Variants in CEP126 observed in about 807,000 individuals in gnomAD.
CEP126 encodes centrosomal protein 126, also known as centrosomal protein of 126 kDa.
In CEP126, 74 loss-of-function variants were observed where a neutral mutation model predicts 107.8. The observed-to-expected ratio is 0.69, with a 90% confidence interval of 0.57 to 0.83. The LOEUF (loss-of-function observed/expected upper bound fraction) is 0.83, where lower values mean the gene tolerates loss of function less well. CEP126 is among the 40% of genes least tolerant of loss of function. CEP126 has a pLI of 0.00. For missense variants in CEP126, 1,237 were observed against 1,281.9 expected, an observed-to-expected ratio of 0.96 and a Z score of 0.53; for synonymous variants, 449 against 446.0, an observed-to-expected ratio of 1.01 and a Z score of -0.08.
intron 2 of CEP126, among the ~76,000 whole-genome samples, chr11:101,938,406 T>A (rs1041059143): frequency 1.8e-4 from 28 of 151,490 alleles, no homozygotes; most frequent in African/African-American, 5.6e-4. Flanking sequence ...TCTCTATTTT[T>A]TTTTTTTTTG....
intron 2 of CEP126, among the ~76,000 whole-genome samples, chr11:101,938,965 C>A (rs1357796114): frequency 6.6e-6 from 1 of 151,986 alleles, no homozygotes; most frequent in Non-Finnish European, 1.5e-5. Flanking sequence ...TTATGAAATT[C>A]ATTAACATTT....
rs548587470 is a variant in CEP126, at chr11:101,983,421, C to G, written c.3034+1457C>G. Among the ~76,000 whole-genome samples the G allele has an allele frequency of 7.2e-5, 11 of 152,220 alleles. No individual in the cohort carries two copies. In the East Asian group the frequency reaches 1.5e-3, roughly 21 times the overall value. On this transcript the variant is annotated intron_variant, in intron 8 of 10. Transcript: ENST00000263468. The stretch of plus-strand genomic sequence containing the variant: ...CTGCATAGGATTTCAACCATGAAGT[C>G]AAAGAGTGGATCCATCAGCGTCGCA...
intron 3 of CEP126, among the ~76,000 whole-genome samples, chr11:101,947,057 T>C (rs1940746785): frequency 6.6e-6 from 1 of 152,232 alleles, no homozygotes; most frequent in South Asian, 2.1e-4. Context: ...GGGAAATGGA[T>C]TGTCTTTAGA....
At chr11:101,928,344 C>T (rs1591269911) in intron 2 of CEP126, among the ~76,000 whole-genome samples, 1 of 152,062 alleles carries the variant, frequency 6.6e-6, no homozygotes, top group Non-Finnish European at 1.5e-5. Context: ...GAGTCTCTTC[C>T]GGAGCAGAAG....
chr11:101,932,425 A>G (rs1163101689), intron 2 of CEP126, among the ~76,000 whole-genome samples: 2 of 152,146 alleles, frequency 1.3e-5, no homozygotes, highest in East Asian at 3.8e-4. Flanking sequence ...TAGCCCAGAA[A>G]ACCTGGCCAC....
At chr11:101,981,680 A>G (rs1941256381) in intron 7 of CEP126, among the ~76,000 whole-genome samples, 1 of 152,202 alleles carries the variant, frequency 6.6e-6, no homozygotes, top group South Asian at 2.1e-4. Flanking sequence ...TTTTGTGGAC[A>G]TAAAACATTT....
intron 2 of CEP126, among the ~76,000 whole-genome samples, chr11:101,925,683 G>T (rs575716307): frequency 0.015 from 5 of 328 alleles, no homozygotes; most frequent in Non-Finnish European, 0.038. Context: ...GCAGAGAATT[G>T]CTTGAGCTCA....
chr11:101,990,020 C>T (rs988216272), intron 9 of CEP126, among the ~76,000 whole-genome samples: 9 of 152,156 alleles, frequency 5.9e-5, no homozygotes, highest in Non-Finnish European at 1.3e-4. Context: ...ACTTTCTCAC[C>T]CATGGGAGAA....
intron 6 of CEP126, among the ~76,000 whole-genome samples, chr11:101,968,150 A>G (rs2137117162): frequency 6.6e-6 from 1 of 152,334 alleles, no homozygotes; most frequent in Middle Eastern, 3.4e-3. Flanking sequence ...AGACAGAACT[A>G]TGAGACTTTT....
rs1187685415 is a variant in CEP126, at chr11:101,962,443, C to T, written c.1408C>T (p.Gln470Ter). 1 of 1,613,788 alleles carries T rather than the reference C, an allele frequency of 6.2e-7. No individual in the cohort carries two copies. ...ATPLVLPSNI[Q>*]SARPSAKNSI... is the part of the protein sequence containing the mutation. Reference sequence around the variant, plus strand: ...GCCTTTAGTTTTGCCATCTAATATACAGTCAGCTAGACCTTCAGCAAAGAA... The same window carrying T: ...GCCTTTAGTTTTGCCATCTAATATATAGTCAGCTAGACCTTCAGCAAAGAA... The change falls in exon 6 of 11, where the codon CAG becomes TAG. Residue 470 changes from glutamine to a stop codon, truncating the protein, a stop_gained. Coordinates refer to ENST00000263468, the MANE Select transcript of CEP126 (RefSeq NM_020802.4). LOFTEE classifies it high-confidence loss of function.
intron 2 of CEP126, among the ~76,000 whole-genome samples, chr11:101,923,151 A>G (rs965193604): frequency 6.6e-6 from 1 of 152,204 alleles, no homozygotes; most frequent in East Asian, 1.9e-4. Flanking sequence ...TCACTTCTAT[A>G]TAATTTTTCT....
At chr11:101,987,262 A>G (rs1437435567) in intron 9 of CEP126, among the ~76,000 whole-genome samples, 1 of 152,216 alleles carries the variant, frequency 6.6e-6, no homozygotes, top group Non-Finnish European at 1.5e-5. Flanking sequence ...CTGTCTTTTC[A>G]GAATATATGA....
At chr11:101,987,868 A>G (rs1941333504) in intron 9 of CEP126, among the ~76,000 whole-genome samples, 3 of 152,182 alleles carry the variant, frequency 2.0e-5, no homozygotes, top group Admixed American at 2.0e-4. Flanking sequence ...GTATTCCAAA[A>G]CACTTGGGAA....
chr11:101,996,948 T>C (rs1941448992), intron 10 of CEP126, among the ~76,000 whole-genome samples: 1 of 152,208 alleles, frequency 6.6e-6, no homozygotes, highest in African/African-American at 2.4e-5. Context: ...GTACCCAGAA[T>C]TTATCTAGAA....
chr11:101,919,321 A>G (rs1940286134), intron 1 of CEP126, among the ~76,000 whole-genome samples: 1 of 152,232 alleles, frequency 6.6e-6, no homozygotes, highest in African/African-American at 2.4e-5. Context: ...TGTGATGGCA[A>G]CATTTTAAAC....
At chr11:101,994,200 A>C (rs1424396628) in intron 10 of CEP126, among the ~76,000 whole-genome samples, 2 of 152,198 alleles carry the variant, frequency 1.3e-5, no homozygotes, top group African/African-American at 4.8e-5. Context: ...GCACCATTGC[A>C]CTCCAGCCTG....
chr11:101,956,458 C>T (rs1363196664), intron 4 of CEP126: 5 of 456,380 alleles, frequency 1.1e-5, no homozygotes, highest in South Asian at 3.1e-5. Flanking sequence ...CAAATCAGCC[C>T]GAGGCCTTTG....
chr11:101,968,659 TAGTATAAGTTATG>T (rs1941088395), intron 6 of CEP126, among the ~76,000 whole-genome samples: 1 of 152,178 alleles, frequency 6.6e-6, no homozygotes, highest in South Asian at 2.1e-4. Context: ...CAGTTCCTCA[TAGTATAAGTTATG>T]GGCTTTCTCA....
At chr11:101,934,098 T>G (rs1940542491) in intron 2 of CEP126, among the ~76,000 whole-genome samples, 1 of 151,996 alleles carries the variant, frequency 6.6e-6, no homozygotes, top group African/African-American at 2.4e-5. Flanking sequence ...CTCTCCCTTT[T>G]CTCTAAAATC....
Sources: allele counts gnomAD v4.1 joint callset (sites outside exome capture counted in the v4.1 genomes callset), GRCh38; gene constraint gnomAD v4.1.1; transcripts MANE v1.5; gene names NCBI Gene and HGNC (gene_info 2026-07-23, HGNC 2026-07-21).